Variants in RNF2 observed in about 807,000 individuals in gnomAD.
RNF2 encodes the protein E3 ubiquitin-protein ligase RING2.
Under a neutral mutation model 37.2 loss-of-function variants are expected in RNF2, and 6 were observed. The ratio of observed to expected loss-of-function variants is 0.16; its 90% CI spans 0.09 to 0.32. The LOEUF is 0.32. RNF2 is among the 10% of genes least tolerant of loss of function. The probability of loss-of-function intolerance (pLI) is 1.00; values close to 1 mark genes in which losing one functional copy is unlikely to be tolerated. For missense variants in RNF2, 251 were observed against 404.0 expected, an observed-to-expected ratio of 0.62 and a Z score of 3.25; for synonymous variants, 133 against 132.7, an observed-to-expected ratio of 1.00 and a Z score of -0.02.
chr1:185,070,102 G>T (rs1218933904), intron 1 of RNF2, among the ~76,000 whole-genome samples: 1 of 152,168 alleles, frequency 6.6e-6, no homozygotes, highest in African/African-American at 2.4e-5. Context: ...CATGTTAGGG[G>T]ACTAGGAAAT....
chr1:185,062,694 T>C (rs918283335), intron 1 of RNF2, among the ~76,000 whole-genome samples: 2 of 151,842 alleles, frequency 1.3e-5, no homozygotes, highest in Non-Finnish European at 2.9e-5. Context: ...AGCAGCAAAC[T>C]GGGGAAAATT....
intron 1 of RNF2, among the ~76,000 whole-genome samples, chr1:185,075,226 TC>T: frequency 6.6e-6 from 1 of 152,194 alleles, no homozygotes; most frequent in East Asian, 1.9e-4. Flanking sequence ...ACTTCTGACC[TC>T]AGGTGATCCC....
chr1:185,067,053 T>C (rs1650817490), intron 1 of RNF2, among the ~76,000 whole-genome samples: 2 of 152,216 alleles, frequency 1.3e-5, no homozygotes, highest in Admixed American at 1.3e-4. Flanking sequence ...ATAATGGAGA[T>C]TTGGCAAATT....
At position 185,077,326 on chromosome 1, in the gene RNF2, C is replaced by T. The variant is rs150322414; in HGVS notation, c.-2-10226C>T. Among the ~76,000 whole-genome samples, 1,228 of 151,850 alleles carry T rather than the reference C, an allele frequency of 8.1e-3. 7 individuals carry two copies. Among genetic ancestry groups the T allele is most frequent in the Middle Eastern group, 0.024 (7 of 294 alleles). On this transcript the variant is annotated intron_variant, in intron 1 of 6. Coordinates refer to ENST00000367510, the MANE Select transcript of RNF2 (RefSeq NM_007212.4). ...CCCTCCTACTTCTCTCCCTCCCTCT[C>T]TATTTTTTTTCCTACCATAACATGA...
chr1:185,085,186 T>C (rs945591740), intron 1 of RNF2, among the ~76,000 whole-genome samples: 30 of 143,932 alleles, frequency 2.1e-4, no homozygotes, highest in African/African-American at 7.4e-4. Flanking sequence ...TCTCACTCTG[T>C]CACCCAGGCT....
chr1:185,085,117 G>A (rs1651542568), intron 1 of RNF2, among the ~76,000 whole-genome samples: 1 of 149,930 alleles, frequency 6.7e-6, no homozygotes. Context: ...TGCTTTCTCA[G>A]AGCCATATTT....
intron 1 of RNF2, among the ~76,000 whole-genome samples, chr1:185,053,151 T>C (rs1177230968): frequency 6.6e-6 from 1 of 152,136 alleles, no homozygotes; most frequent in African/African-American, 2.4e-5. Context: ...CTAGGAACTC[T>C]CCAGGTTTTA....
intron 1 of RNF2, among the ~76,000 whole-genome samples, chr1:185,086,893 A>G (rs939784206): frequency 2.6e-5 from 4 of 152,228 alleles, no homozygotes; most frequent in African/African-American, 9.6e-5. Context: ...TGAATTTCAT[A>G]AAAATATTTA....
At chr1:185,099,769 T>G in intron 5 of RNF2, 22 bp from the exon 6 acceptor site, 2 of 1,588,844 alleles carry the variant, frequency 1.3e-6, no homozygotes, top group Non-Finnish European at 8.6e-7. Context: ...GAAATGAAAT[T>G]TTTAATGATT....
intron 1 of RNF2, among the ~76,000 whole-genome samples, chr1:185,084,567 A>ACCT (rs1651525967): frequency 1.3e-5 from 2 of 152,002 alleles, no homozygotes; most frequent in African/African-American, 4.8e-5. Context: ...TTATTTTGAG[A>ACCT]CCTTGGCATG....
At chr1:185,062,379 TA>T (rs1378139215) in intron 1 of RNF2, among the ~76,000 whole-genome samples, 1 of 152,208 alleles carries the variant, frequency 6.6e-6, no homozygotes, top group Non-Finnish European at 1.5e-5. Context: ...TATATGTGTA[TA>T]TATTCACATA....
chr1:185,056,558 A>G (rs1418838459), intron 1 of RNF2, among the ~76,000 whole-genome samples: 1 of 151,706 alleles, frequency 6.6e-6, no homozygotes, highest in Non-Finnish European at 1.5e-5. Flanking sequence ...TTTTGTAGAG[A>G]CGGGGTTTAG....
At chr1:185,093,994 C>T (rs888304512) in intron 4 of RNF2, among the ~76,000 whole-genome samples, 1 of 152,116 alleles carries the variant, frequency 6.6e-6, no homozygotes, top group African/African-American at 2.4e-5. Flanking sequence ...GACATTTCTC[C>T]ATATGGGTAT....
At position 185,066,626 on chromosome 1, in the gene RNF2, A is replaced by G. The variant is rs542249531; in HGVS notation, c.-2-20926A>G. 6.8e-4 allele frequency among the ~76,000 whole-genome samples: 103 copies of G among 152,362 alleles called. 1 individual carries two copies. The highest frequency in any genetic ancestry group is 5.6e-3 in the South Asian group (27 of 4,830). On this transcript the variant is annotated intron_variant, in intron 1 of 6. Coordinates refer to ENST00000367510, the MANE Select transcript of RNF2 (RefSeq NM_007212.4). ...TCATTTTCTATCACATGATAGCTCA[A>G]TAAATGTTTCCTAAATGGTTGAACT...
chr1:185,052,559 A>G (rs2102151471), intron 1 of RNF2, among the ~76,000 whole-genome samples: 1 of 152,332 alleles, frequency 6.6e-6, no homozygotes, highest in South Asian at 2.1e-4. Flanking sequence ...GGAGATGGGG[A>G]TGAAACTGCT....
rs549626443 is a variant in RNF2 at position 185,072,456 on chromosome 1, G to T, written c.-2-15096G>T. Among the ~76,000 whole-genome samples, 230 of 152,190 alleles carry T rather than the reference G, an allele frequency of 1.5e-3. 1 individual carries two copies. Among genetic ancestry groups the T allele is most frequent in the Non-Finnish European group, 2.4e-3 (162 of 68,008 alleles). The stretch of plus-strand genomic sequence containing the variant: ...TAAAAATCTTAGAGGCTATAAAAGT[G>T]CTATGGTTAAGAAAAGAGAGAACGT... On this transcript the variant is annotated intron_variant, in intron 1 of 6. Coordinates refer to ENST00000367510, the MANE Select transcript of RNF2 (RefSeq NM_007212.4).
At chr1:185,054,579 G>A (rs1200833762) in intron 1 of RNF2, among the ~76,000 whole-genome samples, 1 of 152,180 alleles carries the variant, frequency 6.6e-6, no homozygotes, top group Non-Finnish European at 1.5e-5. Context: ...AATGGCGGCC[G>A]CCAGGACCCC....
At chr1:185,074,179 C>T (rs1048671253) in intron 1 of RNF2, among the ~76,000 whole-genome samples, 3 of 152,168 alleles carry the variant, frequency 2.0e-5, no homozygotes, top group Non-Finnish European at 2.9e-5. Context: ...CATAGGAGCT[C>T]CTGTCCTGTG....
chr1:185,069,456 TAAA>T (rs768648029), intron 1 of RNF2, among the ~76,000 whole-genome samples: 13 of 94,138 alleles, frequency 1.4e-4, no homozygotes, highest in Admixed American at 1.2e-4. Context: ...AGACCCTGTC[TAAA>T]AAAAAAAAAA....
Sources: gnomAD v4.1 joint callset for allele counts (sites outside exome capture counted in the v4.1 genomes callset) on GRCh38, gnomAD v4.1.1 for gene constraint, MANE v1.5 for transcripts, NCBI Gene and HGNC (gene_info 2026-07-23, HGNC 2026-07-21) for gene names.